WLS: variants seen among roughly 807,000 people sequenced by gnomAD.
WLS encodes the protein protein wntless homolog.
WLS carries 23 observed loss-of-function variants against 62.8 expected under a neutral mutation model. The ratio of observed to expected loss-of-function variants is 0.37; its 90% CI spans 0.26 to 0.52. The LOEUF (loss-of-function observed/expected upper bound fraction) is 0.52. Ranked by LOEUF, WLS falls within the 20% of genes least tolerant of loss-of-function variation. WLS has a pLI of 0.92. For synonymous variants in WLS, 246 were observed against 244.1 expected (o/e 1.01, Z -0.07); for missense variants, 615 against 697.3 (o/e 0.88, Z 1.33).
At chr1:68,105,404 T>C (rs147324122) in intron 11 of WLS, among the ~76,000 whole-genome samples, 2 of 152,344 alleles carry the variant, frequency 1.3e-5, no homozygotes, top group East Asian at 3.9e-4. Context: ...TCTCATTCAG[T>C]TCAGTCACTC....
intron 9 of WLS, 135 bp downstream of exon 9, chr1:68,145,734 A>G (rs1646744158): frequency 2.8e-6 from 4 of 1,440,330 alleles, no homozygotes; most frequent in South Asian, 1.5e-5. Flanking sequence ...AATTTTGCCC[A>G]GAGATCCTAC....
chr1:68,173,500 G>C (rs1216624598), intron 2 of WLS, among the ~76,000 whole-genome samples: 1 of 152,164 alleles, frequency 6.6e-6, no homozygotes, highest in Non-Finnish European at 1.5e-5. Context: ...AGAGTTCACA[G>C]ACTGACAGCT....
chr1:68,120,694 C>CTGTGTGTGTGTG (rs746624063), downstream of WLS, among the ~76,000 whole-genome samples: 6 of 150,598 alleles, frequency 4.0e-5, no homozygotes, highest in East Asian at 6.0e-4. Flanking sequence ...CTGTTAAGTT[C>CTGTGTGTGTGTG]TGTGTGTGTG....
At chr1:68,190,232 A>T (rs541479785) in intron 2 of WLS, among the ~76,000 whole-genome samples, 3 of 152,154 alleles carry the variant, frequency 2.0e-5, no homozygotes, top group Non-Finnish European at 2.9e-5. Context: ...CCATGCTCTT[A>T]AAAAACTTTC....
intron 1 of WLS, 114 bp from the exon 2 acceptor site, chr1:68,194,341 G>A (rs1228267566): frequency 3.0e-6 from 4 of 1,351,740 alleles, no homozygotes; most frequent in South Asian, 1.5e-5. Context: ...CCTTCTACAA[G>A]TGGGGCTCAG....
Position 68,183,712 on chromosome 1 carries a change from A to G in WLS, c.379+10243T>C, listed in dbSNP as rs17130553. 1,579 of 236,996 alleles carry G rather than the reference A, an allele frequency of 6.7e-3. 23 individuals carry two copies. Among genetic ancestry groups the G allele is most frequent in the African/African-American group, 0.034 (1,464 of 43,222 alleles). The allele number at this position is 236,996 out of a possible 1,614,324, so 14.7% of individuals were successfully genotyped here. ...GTTGTCTTCCCTTGATGTCCACTTA[A>G]CATTCCATAATAAATGGACAAATGG... is the stretch of plus-strand genomic sequence containing the variant. On this transcript the variant is annotated intron_variant, in intron 2 of 11. Coordinates refer to ENST00000262348, the MANE Select transcript of WLS (RefSeq NM_024911.7).
exon 12 of WLS, chr1:68,098,588 C>A (rs937750587): frequency 1.2e-6 from 2 of 1,606,732 alleles, no homozygotes; most frequent in African/African-American, 2.7e-5. Context: ...GTGACTGTGA[C>A]AACTGCAAAT....
At chr1:68,144,945 T>C (rs1379336262) in intron 9 of WLS, among the ~76,000 whole-genome samples, 2 of 152,222 alleles carry the variant, frequency 1.3e-5, no homozygotes, top group African/African-American at 4.8e-5. Context: ...AAGCTGGTTA[T>C]GCTTCTCTGC....
chr1:68,230,118 C>T (rs1209698758), intron 1 of WLS, among the ~76,000 whole-genome samples: 1 of 152,050 alleles, frequency 6.6e-6, no homozygotes, highest in African/African-American at 2.4e-5. Context: ...GGTAGCATCC[C>T]AGAAATCCTA....
chr1:68,143,371 A>C (rs1646712189), intron 10 of WLS, among the ~76,000 whole-genome samples: 1 of 152,212 alleles, frequency 6.6e-6, no homozygotes, highest in South Asian at 2.1e-4. Flanking sequence ...AAAGACATTC[A>C]AGCTTCTTGC....
At chr1:68,135,788 G>T (rs988799278) in intron 11 of WLS, among the ~76,000 whole-genome samples, 2 of 152,130 alleles carry the variant, frequency 1.3e-5, no homozygotes, top group Non-Finnish European at 2.9e-5. Context: ...TTGTCCACAA[G>T]CCCAGCAGTG....
chr1:68,184,982 C>T (rs1010448506), intron 2 of WLS, among the ~76,000 whole-genome samples: 1 of 152,184 alleles, frequency 6.6e-6, no homozygotes, highest in Admixed American at 6.5e-5. Context: ...CCACTCCACT[C>T]ATAATCAACA....
At position 68,102,230 on chromosome 1, in the gene WLS, G is replaced by A. The variant is rs183922889; in HGVS notation, c.1511-3477C>T. On this transcript the variant is annotated intron_variant, in intron 11 of 11. Coordinates refer to the WLS transcript ENST00000354777. ...GACTTTCTGTCCTCTGGGGGATTGG[G>A]AAGTTATTTCCTGCCCCTTCCTCTT... Among the ~76,000 whole-genome samples the A allele has an allele frequency of 6.6e-3, 977 of 147,640 alleles. 15 individuals carry two copies. The highest frequency in any genetic ancestry group is 0.027 in the Admixed American group (405 of 15,192).
intron 2 of WLS, among the ~76,000 whole-genome samples, chr1:68,188,719 G>A (rs1408394462): frequency 6.6e-6 from 1 of 152,196 alleles, no homozygotes; most frequent in Non-Finnish European, 1.5e-5. Context: ...GAGGCAGGCA[G>A]GATCAATATC....
chr1:68,222,954 G>A (rs988111665), intron 1 of WLS, among the ~76,000 whole-genome samples: 1 of 151,984 alleles, frequency 6.6e-6, no homozygotes, highest in Non-Finnish European at 1.5e-5. Context: ...CCACTGATGT[G>A]TGAAATGACT....
chr1:68,201,327 A>C (rs567646086), intron 1 of WLS, among the ~76,000 whole-genome samples: 8 of 152,216 alleles, frequency 5.3e-5, no homozygotes, highest in Non-Finnish European at 1.0e-4. Context: ...AGTTCAGCTA[A>C]AGAAAGTGCA....
intron 1 of WLS, among the ~76,000 whole-genome samples, chr1:68,206,428 C>T (rs113815176): frequency 1.3e-3 from 198 of 152,242 alleles, no homozygotes; most frequent in African/African-American, 4.2e-3. Context: ...AATGAGCTGC[C>T]GGCACCTGTG....
chr1:68,177,517 C>T (rs1457489240), intron 2 of WLS, among the ~76,000 whole-genome samples: 2 of 152,122 alleles, frequency 1.3e-5, no homozygotes, highest in Non-Finnish European at 2.9e-5. Flanking sequence ...AGAATAATAA[C>T]TACTCACTCT....
rs199608520 is a variant in WLS, at chr1:68,153,518, T to G, written c.802A>C (p.Lys268Gln). 40 of 1,614,078 alleles carry G rather than the reference T, an allele frequency of 2.5e-5. 2 individuals carry two copies. In the Middle Eastern group the frequency reaches 5.0e-3, roughly 200 times the overall value. The change falls in exon 5 of 12, where the codon AAA becomes CAA. Residue 268 changes from lysine (K) to glutamine (Q), a missense_variant and splice_region_variant. Lys to Gln is a moderately conservative substitution (Grantham distance 53). Coordinates refer to ENST00000262348, the MANE Select transcript of WLS (RefSeq NM_024911.7). Reference protein sequence around the residue: ...MMSRPPVLLEKVIFALGISMT... With the variant: ...MMSRPPVLLEQVIFALGISMT... Reference sequence around the variant, plus strand: ...GAGCGCTCCAAAACCAGCTCTTACTTTTCCAGAAGCACTGGGGGTCGGGAC... The same window carrying G: ...GAGCGCTCCAAAACCAGCTCTTACTGTTCCAGAAGCACTGGGGGTCGGGAC...
Sources: gnomAD v4.1 joint callset for allele counts (sites outside exome capture counted in the v4.1 genomes callset) on GRCh38, gnomAD v4.1.1 for gene constraint, MANE v1.5 for transcripts, NCBI Gene and HGNC (gene_info 2026-07-23, HGNC 2026-07-21) for gene names.